The following NPAS3 variants were observed in gnomAD, a reference collection of about 807,000 sequenced individuals.
The protein encoded by NPAS3 is neuronal PAS domain protein 3.
In NPAS3, 14 loss-of-function variants were observed where a neutral mutation model predicts 73.1. The observed-to-expected ratio is 0.19, with a 90% confidence interval of 0.13 to 0.30. The LOEUF (loss-of-function observed/expected upper bound fraction) is 0.30, where lower values mean the gene tolerates loss of function less well. Ranked by LOEUF, NPAS3 falls within the 10% of genes least tolerant of loss-of-function variation. The pLI is 1.00. For synonymous variants in NPAS3, 620 were observed against 541.5 expected (o/e 1.14, Z -2.01); for missense variants, 1,096 against 1,250.0 (o/e 0.88, Z 1.86).
At position 33,563,535 on chromosome 14, in the gene NPAS3, C is replaced by CAGAGAGAGAGAGAGAGAGAG. The variant is rs1276549335; in HGVS notation, c.558+3326_558+3327insGAGAGAGAGAGAGAGAGAGA. On this transcript the variant is annotated intron_variant, in intron 5 of 11. Coordinates refer to ENST00000356141, the Ensembl canonical transcript of NPAS3. ...ACATACATACACACACACACACACA[C>CAGAGAGAGAGAGAGAGAGAG]ACAGAGAGAGAGAGAGAGAGAGAGA... Among the ~76,000 whole-genome samples the CAGAGAGAGAGAGAGAGAGAG allele has an allele frequency of 2.6e-4, 28 of 108,068 alleles. No individual in the cohort carries two copies. The East Asian group carries it at 5.8e-3, about 22-fold the overall frequency. The allele number at this position is 108,068 out of a possible 152,430, so 70.9% of individuals were successfully genotyped here. A position where few individuals can be genotyped will look rare whatever the true frequency, so the allele number is the denominator to read the frequency against.
intron 4 of NPAS3, among the ~76,000 whole-genome samples, chr14:33,378,999 A>G (rs2046424954): frequency 6.6e-6 from 1 of 152,224 alleles, no homozygotes; most frequent in African/African-American, 2.4e-5. Context: ...CCGCGAGTGG[A>G]AAATTCCACA....
intron 4 of NPAS3, among the ~76,000 whole-genome samples, chr14:33,423,725 A>G (rs1421298743): frequency 1.3e-5 from 2 of 151,962 alleles, no homozygotes; most frequent in African/African-American, 4.8e-5. Context: ...GAAAAAGCAG[A>G]CTTTAAATAA....
chr14:33,665,350 C>T (rs112149164), intron 5 of NPAS3, among the ~76,000 whole-genome samples: 6,150 of 152,098 alleles, frequency 0.04, 408 homozygotes, highest in African/African-American at 0.14. Context: ...ATGTAGATGA[C>T]GTGTTGATGG....
intron 3 of NPAS3, among the ~76,000 whole-genome samples, chr14:33,225,464 C>T (rs192808134): frequency 6.6e-6 from 1 of 152,210 alleles, no homozygotes; most frequent in East Asian, 1.9e-4. Flanking sequence ...AGGAGTCAGC[C>T]AACGTTTTCT....
chr14:33,100,452 A>G (rs1350168642), intron 2 of NPAS3, among the ~76,000 whole-genome samples: 2 of 152,200 alleles, frequency 1.3e-5, no homozygotes, highest in Non-Finnish European at 2.9e-5. Context: ...GATACATAAT[A>G]GGATCTATTG....
intron 2 of NPAS3, among the ~76,000 whole-genome samples, chr14:33,071,098 C>T (rs1296050852): frequency 6.6e-6 from 1 of 152,160 alleles, no homozygotes; most frequent in Non-Finnish European, 1.5e-5. Flanking sequence ...GACACATTTA[C>T]CCAGGAGGTT....
intron 5 of NPAS3, among the ~76,000 whole-genome samples, chr14:33,587,681 G>A (rs940752141): frequency 1.7e-4 from 26 of 152,028 alleles, no homozygotes; most frequent in East Asian, 3.9e-4. Flanking sequence ...CTCTGATTTC[G>A]GTGTATACCT....
chr14:33,122,755 A>G lies in NPAS3; in HGVS notation c.140+66761A>G, dbSNP rs377103105. ...GGTCTCAAATATCCTACACCTTATA[A>G]GAAGACTGAGATGGTTAAGGGGTCA... On this transcript the variant is annotated intron_variant, in intron 2 of 11. Transcript: ENST00000356141. Among the ~76,000 whole-genome samples the G allele has an allele frequency of 7.2e-5, 11 of 152,272 alleles. No homozygotes were observed. In the East Asian group the frequency reaches 1.4e-3, roughly 19 times the overall value.
intron 2 of NPAS3, among the ~76,000 whole-genome samples, chr14:33,153,229 T>A (rs926322811): frequency 5.3e-5 from 8 of 151,946 alleles, no homozygotes; most frequent in African/African-American, 1.9e-4. Flanking sequence ...TTTTTTTTCA[T>A]CTGAGTCGTA....
chr14:33,068,504 G>A (rs2041359416), intron 2 of NPAS3, among the ~76,000 whole-genome samples: 1 of 152,074 alleles, frequency 6.6e-6, no homozygotes, highest in South Asian at 2.1e-4. Flanking sequence ...TATATCAGTG[G>A]ACAAAGGCCA....
At chr14:33,214,768 C>T in intron 2 of NPAS3, 1 of 168,456 alleles carries the variant, frequency 5.9e-6, no homozygotes, top group South Asian at 1.6e-4. Flanking sequence ...GATGAAGATC[C>T]CATACTGATG....
intron 2 of NPAS3, among the ~76,000 whole-genome samples, chr14:33,207,290 C>G (rs574452218): frequency 2.0e-5 from 3 of 147,030 alleles, no homozygotes; most frequent in East Asian, 2.0e-4. Flanking sequence ...CACACACACA[C>G]AGTTGTGGCT....
intron 2 of NPAS3, among the ~76,000 whole-genome samples, chr14:33,112,361 T>C (rs2042923519): frequency 6.6e-6 from 1 of 152,194 alleles, no homozygotes; most frequent in Non-Finnish European, 1.5e-5. Flanking sequence ...TGATCACCAT[T>C]CTAACTGGTG....
chr14:33,089,106 A>C (rs147336487), intron 2 of NPAS3, among the ~76,000 whole-genome samples: 2 of 152,234 alleles, frequency 1.3e-5, no homozygotes, highest in Non-Finnish European at 2.9e-5. Flanking sequence ...CCCCCTCCAA[A>C]GGAACGCAGC....
chr14:33,677,520 A>G (rs1287213415), intron 6 of NPAS3, among the ~76,000 whole-genome samples: 1 of 152,162 alleles, frequency 6.6e-6, no homozygotes, highest in Non-Finnish European at 1.5e-5. Flanking sequence ...AAATAGAAAA[A>G]CCTATGTTAA....
At chr14:33,301,933 C>T (rs775067515) in intron 3 of NPAS3, among the ~76,000 whole-genome samples, 2 of 152,162 alleles carry the variant, frequency 1.3e-5, no homozygotes, top group Non-Finnish European at 2.9e-5. Flanking sequence ...AACAGGCCAA[C>T]AGTAGTTGTT....
At chr14:33,279,271 G>GTAA (rs1228184562) in intron 3 of NPAS3, among the ~76,000 whole-genome samples, 1 of 152,060 alleles carries the variant, frequency 6.6e-6, no homozygotes, top group African/African-American at 2.4e-5. Context: ...TTTGTTAAAG[G>GTAA]TAATAATAAT....
At chr14:33,009,078 T>G (rs4982032) in intron 1 of NPAS3, among the ~76,000 whole-genome samples, 126,769 of 152,084 alleles carry the variant, frequency 0.83, 52,889 homozygotes, top group Middle Eastern at 0.89. Context: ...AACGTAAAAA[T>G]AATCTTGTTT....
At chr14:33,675,506 C>T (rs886894142) in intron 5 of NPAS3, among the ~76,000 whole-genome samples, 11 of 152,064 alleles carry the variant, frequency 7.2e-5, no homozygotes, top group African/African-American at 2.4e-4. Flanking sequence ...AAAAAGCCTT[C>T]AAGGAGATTT....
Sources: allele counts gnomAD v4.1 joint callset (sites outside exome capture counted in the v4.1 genomes callset), GRCh38; gene constraint gnomAD v4.1.1; transcripts MANE v1.5; gene names NCBI Gene and HGNC (gene_info 2026-07-23, HGNC 2026-07-21).